Variants in PKD1L1 observed in about 807,000 individuals in gnomAD.
The protein encoded by PKD1L1 is polycystin-1-like protein 1.
PKD1L1 carries 236 observed loss-of-function variants against 323.4 expected under a neutral mutation model. The ratio of observed to expected loss-of-function variants is 0.73; its 90% CI spans 0.66 to 0.81. PKD1L1 has a LOEUF of 0.81. Ranked by LOEUF, PKD1L1 falls within the 40% of genes least tolerant of loss-of-function variation. The pLI is 0.00. For synonymous variants in PKD1L1, 1,344 were observed against 1,335.0 expected, an observed-to-expected ratio of 1.01 and a Z score of -0.15; for missense variants, 3,320 against 3,508.0, an observed-to-expected ratio of 0.95 and a Z score of 1.35.
At chr7:47,952,670 A>G (rs530243723), upstream of PKD1L1, among the ~76,000 whole-genome samples, 1 of 152,344 alleles carries the variant, frequency 6.6e-6, no homozygotes, top group South Asian at 2.1e-4. Flanking sequence ...GTGAGGCTCA[A>G]TAGTAGCTCC....
At position 47,774,908 on chromosome 7, in the gene PKD1L1, C is replaced by T. The variant is rs146775172; in HGVS notation, c.*235G>A. 1 of 458,444 alleles carries T rather than the reference C, an allele frequency of 2.2e-6. No homozygotes were observed. Among genetic ancestry groups the T allele is most frequent in the Non-Finnish European group, 3.9e-6 (1 of 256,238 alleles). The allele number at this position is 458,444 out of a possible 1,614,324, so 28.4% of individuals were successfully genotyped here. On this transcript the variant is annotated 3_prime_UTR_variant, in exon 57 of 57. Coordinates refer to ENST00000289672, the MANE Select transcript of PKD1L1 (RefSeq NM_138295.5). ...TTTGGGAGAAGGCTGGAGTTAGAATCTTGTCCCACATCTGAACTCTCCGAA... is the reference window on the plus strand; with the variant it reads ...TTTGGGAGAAGGCTGGAGTTAGAATTTTGTCCCACATCTGAACTCTCCGAA...
At chr7:47,811,627 G>A (rs1378764687) in intron 50 of PKD1L1, among the ~76,000 whole-genome samples, 190 bp downstream of exon 50, 2 of 152,200 alleles carry the variant, frequency 1.3e-5, no homozygotes, top group African/African-American at 4.8e-5. Context: ...TCCCCACTGG[G>A]GGTCTTCTTC....
intron 28 of PKD1L1, among the ~76,000 whole-genome samples, chr7:47,856,047 TA>T (rs1045699052): frequency 2.6e-5 from 4 of 152,170 alleles, no homozygotes; most frequent in African/African-American, 9.6e-5. Context: ...TATATCTATA[TA>T]TTTTTTTGAC....
intron 36 of PKD1L1, 23 bp from the exon 37 acceptor site, chr7:47,837,117 T>G (rs1024524641): frequency 7.4e-6 from 12 of 1,612,216 alleles, no homozygotes; most frequent in Non-Finnish European, 8.5e-6. Flanking sequence ...GCAGGAGAAG[T>G]GTTCCCTGAC....
At chr7:47,877,909 T>C (rs993820882) in intron 21 of PKD1L1, among the ~76,000 whole-genome samples, 1 of 151,958 alleles carries the variant, frequency 6.6e-6, no homozygotes, top group Non-Finnish European at 1.5e-5. Context: ...TGTTCATTAA[T>C]ATAACAAACA....
rs1291171944 is a variant in PKD1L1 at position 47,774,952 on chromosome 7, G to A, written c.*191C>T. 2 of 652,894 alleles carry A rather than the reference G, an allele frequency of 3.1e-6. No individual in the cohort carries two copies. The highest frequency in any genetic ancestry group is 1.9e-5 in the South Asian group (1 of 53,090). 40.4% of individuals were successfully genotyped at this position (652,894 alleles called of 1,614,324 possible). A position where few individuals can be genotyped will look rare whatever the true frequency, so the allele number is the denominator to read the frequency against. On this transcript the variant is annotated 3_prime_UTR_variant, in exon 57 of 57. Transcript: ENST00000289672. ...CTCCGAATGGTGATTATGAGTAACA[G>A]TCTGATGACAGATAAACCTTGATTT...
intron 56 of PKD1L1, among the ~76,000 whole-genome samples, chr7:47,787,261 C>T (rs1159818444): frequency 6.6e-6 from 1 of 152,164 alleles, no homozygotes; most frequent in Non-Finnish European, 1.5e-5. Context: ...CAGGCAGAAA[C>T]CCACCTGGGA....
chr7:47,893,932 A>G lies in PKD1L1; in HGVS notation c.2399T>C (p.Ile800Thr), dbSNP rs148011149. The G allele has an allele frequency of 2.2e-4, 350 of 1,614,010 alleles. 1 individual carries two copies. Among genetic ancestry groups the G allele is most frequent in the Non-Finnish European group, 2.5e-4 (300 of 1,180,006 alleles). ...LFFSRTTSSP[I>T]VLRGTQSFDP... Reference sequence around the variant, plus strand: ...GAAGGACTGGGTCCCTCTGAGGACAATGGGGGATGAGGTGGTCCTGGAGAA... The same window carrying G: ...GAAGGACTGGGTCCCTCTGAGGACAGTGGGGGATGAGGTGGTCCTGGAGAA... Residue 800 changes from isoleucine to threonine, a missense_variant, in exon 15 of 57, where the codon ATT (isoleucine) becomes ACT (threonine). Coordinates refer to ENST00000289672, the MANE Select transcript of PKD1L1 (RefSeq NM_138295.5).
intron 33 of PKD1L1, among the ~76,000 whole-genome samples, chr7:47,844,159 G>A (rs1003919118): frequency 1.3e-5 from 2 of 152,170 alleles, no homozygotes; most frequent in African/African-American, 4.8e-5. Context: ...CCATGGTTGA[G>A]GCTGCTGTCT....
In PKD1L1 at chr7:47,813,944, C is replaced by T. The variant is rs1001212627; in HGVS notation, c.7160G>A (p.Arg2387Lys). The change falls in exon 48 of 57, where the codon AGG becomes AAG. Residue 2387 changes from arginine to lysine, a missense_variant. Physicochemically the swap from Arg to Lys is conservative, Grantham distance 26. Coordinates refer to ENST00000289672, the MANE Select transcript of PKD1L1 (RefSeq NM_138295.5). ...SVIRQLKVFP[R>K]HLCKPPRPFS... ...GGAACATCTTACCTTGCATAAATGC[C>T]TAGGAAAAACTTTTAGCTGCCTAAT... The T allele has an allele frequency of 6.2e-7, 1 of 1,613,844 alleles. No individual in the cohort carries two copies. The highest frequency in any genetic ancestry group is 8.5e-7 in the Non-Finnish European group (1 of 1,179,778).
At position 47,925,685 on chromosome 7, in the gene PKD1L1, C is replaced by A. The variant is rs144373755; in HGVS notation, c.1060+3519G>T. Among the ~76,000 whole-genome samples, 369 of 152,282 alleles carry A rather than the reference C, an allele frequency of 2.4e-3. 2 individuals carry two copies. Among genetic ancestry groups the A allele is most frequent in the Middle Eastern group, 0.01 (3 of 294 alleles). ...CAACTGACCAGCATTAACATTTAAA[C>A]AGAGGCCTTAAGAATGACAAAACAG... is the stretch of plus-strand genomic sequence containing the variant. On this transcript the variant is annotated intron_variant, in intron 7 of 56. Transcript: ENST00000289672.
intron 56 of PKD1L1, among the ~76,000 whole-genome samples, chr7:47,781,856 C>T (rs1786705482): frequency 6.6e-6 from 1 of 152,060 alleles, no homozygotes; most frequent in Non-Finnish European, 1.5e-5. Context: ...GGTATAGGTA[C>T]AAGTTCTTTT....
At chr7:47,882,118 A>G (rs748991221) in intron 19 of PKD1L1, 33 bp from the exon 20 acceptor site, 2 of 1,605,100 alleles carry the variant, frequency 1.2e-6, no homozygotes, top group South Asian at 2.2e-5. Context: ...TAGATGTTAA[A>G]GAAAAAAAGT....
intron 39 of PKD1L1, 38 bp from the exon 40 acceptor site, chr7:47,834,423 T>TG: frequency 6.4e-7 from 1 of 1,561,240 alleles, no homozygotes; most frequent in Non-Finnish European, 8.8e-7. Flanking sequence ...TACGATGCTT[T>TG]GGGGTGATAC....
Position 47,932,010 on chromosome 7 carries a change from C to G in PKD1L1, c.445G>C (p.Gly149Arg). Reference sequence around the variant, plus strand: ...CGCCTGTGATGGAACCTGGGGCCACCACTGCTCCAGGCCCTTGCGATTATA... The same window carrying G: ...CGCCTGTGATGGAACCTGGGGCCACGACTGCTCCAGGCCCTTGCGATTATA... Reference protein sequence around the residue: ...FIIIARAWSSGGPRFHHRRLC... With the variant: ...FIIIARAWSSRGPRFHHRRLC... The change falls in exon 5 of 57, where the codon GGT becomes CGT. Residue 149 changes from glycine to arginine, a missense_variant. Physicochemically the swap from Gly to Arg is moderately radical, Grantham distance 125 (BLOSUM62 -2). Coordinates refer to ENST00000289672, the MANE Select transcript of PKD1L1 (RefSeq NM_138295.5). 6.2e-7 allele frequency: 1 copy of G among 1,614,062 alleles called. No homozygotes were observed. The highest frequency in any genetic ancestry group is 8.5e-7 in the Non-Finnish European group (1 of 1,179,944).
At chr7:47,870,729 C>T (rs6977544) in intron 24 of PKD1L1, among the ~76,000 whole-genome samples, 48,951 of 151,722 alleles carry the variant, frequency 0.32, 8,378 homozygotes, top group African/African-American at 0.43. Flanking sequence ...CTAGGTGTGG[C>T]GGCACACACT....
At chr7:47,936,461 G>A (rs142117270) in intron 4 of PKD1L1, among the ~76,000 whole-genome samples, 1 of 152,132 alleles carries the variant, frequency 6.6e-6, no homozygotes, top group African/African-American at 2.4e-5. Context: ...AAAGCATAAT[G>A]TCTTCAAGGT....
At chr7:47,814,696 T>G (rs1784977858) in intron 47 of PKD1L1, among the ~76,000 whole-genome samples, 1 of 152,146 alleles carries the variant, frequency 6.6e-6, no homozygotes, top group South Asian at 2.1e-4. Flanking sequence ...GTATTTTTAG[T>G]AGAGACAGGG....
At position 47,840,855 on chromosome 7, in the gene PKD1L1, G is replaced by A. The variant is rs982216347; in HGVS notation, c.5446-288C>T. On this transcript the variant is annotated intron_variant, in intron 34 of 56. Coordinates refer to ENST00000289672, the MANE Select transcript of PKD1L1 (RefSeq NM_138295.5). This position sits in a 1 kb window ranked among gnomAD's most constrained non-coding sequence, Gnocchi z 4.1. ...CCAACTAGGATTCGGGAGGGCATTT[G>A]TTTTCTCATGAGGGCGGGAGAACAC... 6.6e-6 allele frequency among the ~76,000 whole-genome samples: 1 copy of A among 152,212 alleles called. No homozygotes were observed. Among genetic ancestry groups the A allele is most frequent in the Non-Finnish European group, 1.5e-5 (1 of 68,036 alleles).
Sources: gnomAD v4.1 joint callset for allele counts (sites outside exome capture counted in the v4.1 genomes callset) on GRCh38, gnomAD v4.1.1 for gene constraint, Gnocchi (gnomAD v3.1) non-coding constraint, MANE v1.5 for transcripts, NCBI Gene and HGNC (gene_info 2026-07-23, HGNC 2026-07-21) for gene names.